Variants in POLK observed in about 807,000 individuals in gnomAD.
POLK encodes the protein polymerase (DNA directed) kappa.
Under a neutral mutation model 94.0 loss-of-function variants are expected in POLK, and 76 were observed. The ratio of observed to expected loss-of-function variants is 0.81; its 90% CI spans 0.67 to 0.98. The LOEUF (loss-of-function observed/expected upper bound fraction) is 0.98. Ranked by LOEUF, POLK falls within the 50% of genes least tolerant of loss-of-function variation. POLK has a pLI of 0.00. For missense variants in POLK, 954 were observed against 1,010.1 expected (o/e 0.94, Z 0.75); for synonymous variants, 349 against 325.4 (o/e 1.07, Z -0.78).
At chr5:75,596,509 A>C (rs778476117) in exon 13 of POLK, 2 of 1,613,948 alleles carry the variant, frequency 1.2e-6, no homozygotes, top group African/African-American at 2.7e-5. Context: ...AAAGAAGAAG[A>C]TGAATGAGAA....
chr5:75,588,703 G>A (rs1299945045), intron 10 of POLK, among the ~76,000 whole-genome samples: 1 of 152,154 alleles, frequency 6.6e-6, no homozygotes, highest in African/African-American at 2.4e-5. Flanking sequence ...TAATGTGTTG[G>A]TAGAGTTCCA....
At chr5:75,512,910 C>G (rs1768132244) in intron 1 of POLK, 1 of 152,274 alleles carries the variant, frequency 6.6e-6, no homozygotes, top group Non-Finnish European at 1.5e-5. Flanking sequence ...GGTGGATCAC[C>G]TGAGGCCGGG....
chr5:75,569,193 GTGGATGGATGAA>G (rs1428221445), intron 3 of POLK, 135 bp from the exon 4 acceptor site: 3 of 591,080 alleles, frequency 5.1e-6, no homozygotes, highest in Non-Finnish European at 5.9e-6. Flanking sequence ...AAGTGGATGG[GTGGATGGATGAA>G]TGGATGGATG....
At chr5:75,609,628 A>G in the POLK span, 1 of 152,146 alleles carries the variant, frequency 6.6e-6, no homozygotes, top group Non-Finnish European at 1.5e-5. Context: ...TTCCATTTAC[A>G]TATTATACTT....
At chr5:75,572,090 T>A (rs2112775247) in intron 4 of POLK, among the ~76,000 whole-genome samples, 1 of 152,332 alleles carries the variant, frequency 6.6e-6, no homozygotes, top group Non-Finnish European at 1.5e-5. Flanking sequence ...TGTTTTGCAT[T>A]TCTTTGAAAT....
intron 1 of POLK, among the ~76,000 whole-genome samples, chr5:75,544,033 C>T (rs1363798509): frequency 1.3e-5 from 2 of 152,092 alleles, no homozygotes; most frequent in African/African-American, 4.8e-5. Flanking sequence ...ACATGAGTCT[C>T]ACTGTGTTAC....
At chr5:75,586,727 G>T (rs944115603) in intron 9 of POLK, among the ~76,000 whole-genome samples, 17 of 151,978 alleles carry the variant, frequency 1.1e-4, no homozygotes, top group African/African-American at 4.1e-4. Context: ...CTTCCTATTT[G>T]TTTTTATAAG....
chr5:75,535,244 G>T (rs1382722971), intron 1 of POLK, among the ~76,000 whole-genome samples: 1 of 152,128 alleles, frequency 6.6e-6, no homozygotes, highest in Non-Finnish European at 1.5e-5. Flanking sequence ...GGAATTCTTG[G>T]TTGAAAATTT....
intron 8 of POLK, among the ~76,000 whole-genome samples, chr5:75,583,980 T>C (rs1772332020): frequency 1.3e-5 from 2 of 152,222 alleles, no homozygotes; most frequent in African/African-American, 4.8e-5. Flanking sequence ...CTTGCTTTTC[T>C]CATTCAACAT....
rs191396920 is a variant in POLK, at chr5:75,530,295, G to T, written c.-13-16715G>T. On this transcript the variant is annotated intron_variant, in intron 1 of 14. Transcript: ENST00000241436. ...GATGGAATCTTGCTTTGTCACCCAG[G>T]CTGGAGTGCATTGGCACGATCTAGG... 2.2e-4 allele frequency among the ~76,000 whole-genome samples: 30 copies of T among 139,140 alleles called. No individual in the cohort carries two copies. In the East Asian group the frequency reaches 6.0e-3, roughly 28 times the overall value. The allele number at this position is 139,140 out of a possible 152,430, so 91.3% of individuals were successfully genotyped here.
chr5:75,541,825 T>C (rs916745374), intron 1 of POLK, among the ~76,000 whole-genome samples: 1 of 152,120 alleles, frequency 6.6e-6, no homozygotes, highest in African/African-American at 2.4e-5. Context: ...ATTGTGGCCA[T>C]ATGGTTTCAG....
At chr5:75,596,542 G>C (rs1773099718) in exon 13 of POLK, 2 of 1,613,916 alleles carry the variant, frequency 1.2e-6, no homozygotes, top group East Asian at 4.5e-5. Context: ...AGAGAATTCA[G>C]ATGACTGTCA....
chr5:75,560,723 A>G (rs1003065740), intron 3 of POLK, among the ~76,000 whole-genome samples: 3 of 151,884 alleles, frequency 2.0e-5, no homozygotes, highest in Non-Finnish European at 4.4e-5. Context: ...CTGTGCCCAT[A>G]TGGTCTCATT....
At chr5:75,575,568 A>T (rs767734416) in intron 5 of POLK, among the ~76,000 whole-genome samples, 1 of 152,188 alleles carries the variant, frequency 6.6e-6, no homozygotes, top group Non-Finnish European at 1.5e-5. Context: ...GCAATATCCT[A>T]TGTAAAGGAA....
intron 1 of POLK, among the ~76,000 whole-genome samples, chr5:75,537,195 A>C (rs1769486549): frequency 6.6e-6 from 1 of 152,238 alleles, no homozygotes; most frequent in South Asian, 2.1e-4. Flanking sequence ...TCCGGGGCGC[A>C]AAGCTTGTAG....
upstream of POLK, chr5:75,511,357 G>A (rs1451897062): frequency 3.1e-5 from 47 of 1,539,312 alleles, no homozygotes; most frequent in Non-Finnish European, 3.9e-5. Flanking sequence ...GACGAAGTCC[G>A]CCCGCCGCGC....
chr5:75,559,690 T>C (rs1221526971), intron 3 of POLK, among the ~76,000 whole-genome samples: 2 of 151,524 alleles, frequency 1.3e-5, no homozygotes, highest in East Asian at 3.9e-4. Flanking sequence ...AGGTGTACAC[T>C]TTCACACTCA....
intron 12 of POLK, among the ~76,000 whole-genome samples, chr5:75,595,767 AT>A (rs1401684064): frequency 1.3e-5 from 2 of 152,186 alleles, no homozygotes; most frequent in African/African-American, 4.8e-5. Context: ...ATTGTAACAA[AT>A]GTACCACTCT....
intron 3 of POLK, among the ~76,000 whole-genome samples, chr5:75,565,765 A>G (rs1331521057): frequency 6.6e-6 from 1 of 152,194 alleles, no homozygotes; most frequent in Non-Finnish European, 1.5e-5. Context: ...TTCATCCCAG[A>G]GGGGCACCAT....
Sources: gnomAD v4.1 joint callset for allele counts (sites outside exome capture counted in the v4.1 genomes callset) on GRCh38, gnomAD v4.1.1 for gene constraint, MANE v1.5 for transcripts, NCBI Gene and HGNC (gene_info 2026-07-23, HGNC 2026-07-21) for gene names.